The following LZTS3 variants were observed in gnomAD, a reference collection of about 807,000 sequenced individuals.
LZTS3 encodes leucine zipper putative tumor suppressor 3.
A neutral mutation model predicts 50.9 loss-of-function variants in LZTS3; 16 were observed. The observed-to-expected ratio is 0.31, with a 90% CI of 0.21 to 0.48. LZTS3 has a LOEUF of 0.48. LZTS3 is among the 20% of genes least tolerant of loss of function. The pLI is 0.99. For missense variants in LZTS3, 816 were observed against 931.0 expected (o/e 0.88, Z 1.61); for synonymous variants, 408 against 410.6 (o/e 0.99, Z 0.08).
chr20:3,171,854 C>T (rs1490009413), intron 1 of LZTS3, among the ~76,000 whole-genome samples: 1 of 152,136 alleles, frequency 6.6e-6, no homozygotes, highest in Non-Finnish European at 1.5e-5. Flanking sequence ...TGCCTGACTG[C>T]CTCGATCTCT....
rs747750127 is a variant in LZTS3 at position 3,167,128 on chromosome 20, G to A, written c.36C>T (p.Asp12=). Reference sequence around the variant, plus strand: ...AGGCCAGGAGAGGATCCCGCCCTGGGTCAGCGCGCACAGGCAGCGTCTCCA... The same window carrying A: ...AGGCCAGGAGAGGATCCCGCCCTGGATCAGCGCGCACAGGCAGCGTCTCCA... ...AKLETLPVRA[D]PGRDPLLAFA... The change falls in exon 3 of 5, where the codon GAC becomes GAT. Residue 12 remains aspartate (D), a synonymous_variant. Coordinates refer to ENST00000337576, the MANE Select transcript of LZTS3 (RefSeq NM_001365618.1). The A allele has an allele frequency of 6.0e-6, 9 of 1,502,562 alleles. No individual in the cohort carries two copies. The highest frequency in any genetic ancestry group is 8.0e-6 in the Non-Finnish European group (9 of 1,130,202). 93.1% of individuals were successfully genotyped at this position (1,502,562 alleles called of 1,614,324 possible). A position where few individuals can be genotyped will look rare whatever the true frequency, so the allele number is the denominator to read the frequency against.
At chr20:3,166,415 C>T in intron 3 of LZTS3, 55 bp from the exon 4 acceptor site, 2 of 1,526,426 alleles carry the variant, frequency 1.3e-6, no homozygotes, top group Non-Finnish European at 1.8e-6. Context: ...GGGCTTGGCC[C>T]AGGCTCTTCC....
intron 1 of LZTS3, among the ~76,000 whole-genome samples, chr20:3,170,796 C>G (rs1321865667): frequency 6.6e-6 from 1 of 152,010 alleles, no homozygotes. Flanking sequence ...CCCTCTCAAA[C>G]AAATAAACAA....
rs1424390243 is a variant in LZTS3, at chr20:3,164,533, G to A, written c.1943C>T (p.Thr648Met). 5 of 1,602,300 alleles carry A rather than the reference G, an allele frequency of 3.1e-6. No individual in the cohort carries two copies. The highest frequency in any genetic ancestry group is 2.6e-6 in the Non-Finnish European group (3 of 1,174,550). ...CTCCTCGCCATGCTGGGGAGTGGGC[G>A]TGCTTGCACCCCCTGCGGCCCCGCG... ...RERGAAGGASTPTPQHGEEKK... is the reference protein window; with the variant it reads ...RERGAAGGASMPTPQHGEEKK... The change falls in exon 5 of 5, where the codon ACG becomes ATG. Residue 648 changes from threonine (T) to methionine (M), a missense_variant. Physicochemically the swap from Thr to Met is moderately conservative, Grantham distance 81. Coordinates refer to ENST00000337576, the MANE Select transcript of LZTS3 (RefSeq NM_001365618.1).
At chr20:3,167,321 G>A (rs1452819167) in intron 2 of LZTS3, 140 bp from the exon 3 acceptor site, 2 of 1,382,670 alleles carry the variant, frequency 1.4e-6, no homozygotes, top group East Asian at 2.6e-5. Context: ...AGGCATCCAA[G>A]GTGAAGGAAT....
Position 3,167,071 on chromosome 20 carries a change from C to G in LZTS3, c.93G>C (p.Pro31=). ...FAPRPSELGP[P]DPRLAMGSVG... Reference sequence around the variant, plus strand: ...CGCTGCCCATGGCCAGGCGGGGGTCCGGGGGTCCAAGCTCGGAGGGCCGTG... The same window carrying G: ...CGCTGCCCATGGCCAGGCGGGGGTCGGGGGGTCCAAGCTCGGAGGGCCGTG... The change falls in exon 3 of 5, where the codon CCG becomes CCC. Residue 31 remains proline (P), a synonymous_variant. Coordinates refer to ENST00000337576, the MANE Select transcript of LZTS3 (RefSeq NM_001365618.1). 1 of 1,553,444 alleles carries G rather than the reference C, an allele frequency of 6.4e-7. No homozygotes were observed. The highest frequency in any genetic ancestry group is 8.7e-7 in the Non-Finnish European group (1 of 1,152,470).
rs2066817196 is a variant in LZTS3 at position 3,166,200 on chromosome 20, G to A, written c.620C>T (p.Thr207Ile). Residue 207 changes from threonine to isoleucine, a missense_variant, in exon 4 of 5, where the codon ACT becomes ATT. Thr to Ile is a moderately conservative substitution (Grantham distance 89). Transcript: ENST00000337576. The part of the protein sequence containing the change: ...KGGLDKSRTM[T>I]PAGGSGSGLS... ...GCCACTCCCACTCCCACCCGCTGGA[G>A]TCATGGTCCGAGACTTGTCCAGTCC... 8 of 1,613,810 alleles carry A rather than the reference G, an allele frequency of 5.0e-6. No individual in the cohort carries two copies. The highest frequency in any genetic ancestry group is 6.8e-6 in the Non-Finnish European group (8 of 1,179,896).
Position 3,165,220 on chromosome 20 carries a change from C to CAGAT in LZTS3, c.1324-72_1324-69dup. The CAGAT allele has an allele frequency of 7.1e-7, 1 of 1,405,182 alleles. No homozygotes were observed. The highest frequency in any genetic ancestry group is 1.5e-5 in the South Asian group (1 of 68,260). The allele number at this position is 1,405,182 out of a possible 1,614,324, so 87.0% of individuals were successfully genotyped here. A position where few individuals can be genotyped will look rare whatever the true frequency, so the allele number is the denominator to read the frequency against. Reference sequence around the variant, plus strand: ...GCTCTGCTCACCCCAACCCAGCTACCAGATCTGGAGCCAGGGGCACCAAGC... The same window carrying CAGAT: ...GCTCTGCTCACCCCAACCCAGCTACCAGATAGATCTGGAGCCAGGGGCACCAAGC... On this transcript the variant is annotated intron_variant, in intron 4 of 4. Coordinates refer to ENST00000337576, the MANE Select transcript of LZTS3 (RefSeq NM_001365618.1). This position sits in a 1 kb window ranked among gnomAD's most constrained non-coding sequence, Gnocchi z 5.0.
In LZTS3 at chr20:3,165,285, G is replaced by A; in HGVS notation, c.1324-133C>T. 8.6e-7 allele frequency: 1 copy of A among 1,163,028 alleles called. No homozygotes were observed. Among genetic ancestry groups the A allele is most frequent in the Non-Finnish European group, 1.2e-6 (1 of 853,372 alleles). 72.0% of individuals were successfully genotyped at this position (1,163,028 alleles called of 1,614,324 possible). ...GGCTCAGCCCCTCATCAGCAGCGAC[G>A]CACCCGATTCCCTGCCTGGACTCAA... On this transcript the variant is annotated intron_variant, in intron 4 of 4. Coordinates refer to ENST00000337576, the MANE Select transcript of LZTS3 (RefSeq NM_001365618.1). The surrounding 1 kb of genome is among the most constrained non-coding windows in gnomAD (Gnocchi z 5.0).
chr20:3,172,629 G>T (rs559454354), intron 1 of LZTS3, among the ~76,000 whole-genome samples: 1 of 152,310 alleles, frequency 6.6e-6, no homozygotes, highest in Admixed American at 6.5e-5. Flanking sequence ...TCACTCTGAG[G>T]CCTCCCCAGG....
At position 3,166,378 on chromosome 20, in the gene LZTS3, G is replaced by A. The variant is rs7260750; in HGVS notation, c.460-18C>T. On this transcript the variant is annotated intron_variant, in intron 3 of 4. Transcript: ENST00000337576. ...TCTGAGCACTGCAGGAAACGCAGGA[G>A]GGGGCTGGGGGTCAGGATGAGGCCT... 1,065,369 of 1,580,990 alleles carry A rather than the reference G, an allele frequency of 0.67. 364,496 individuals are homozygous for A. The highest frequency in any genetic ancestry group is 0.95 in the East Asian group (42,484 of 44,674).
Position 3,164,888 on chromosome 20 carries a change from G to C in LZTS3, c.1588C>G (p.Gln530Glu), listed in dbSNP as rs752159660. 1.3e-6 allele frequency: 2 copies of C among 1,553,336 alleles called. No individual in the cohort carries two copies. The highest frequency in any genetic ancestry group is 1.7e-4 in the Middle Eastern group (1 of 5,990). ...CTCTCGCAGGTGGCCAGAGCATCCTGTGGCTCGGCCGGGTCCACGGGGGTC... is the reference window on the plus strand; with the variant it reads ...CTCTCGCAGGTGGCCAGAGCATCCTCTGGCTCGGCCGGGTCCACGGGGGTC... ...ALTPVDPAEP[Q>E]DALATCESDE... Residue 530 changes from glutamine to glutamate, a missense_variant, in exon 5 of 5, where the codon CAG (glutamine) becomes GAG (glutamate). Physicochemically the swap from Gln to Glu is conservative, Grantham distance 29. Coordinates refer to ENST00000337576, the MANE Select transcript of LZTS3 (RefSeq NM_001365618.1).
intron 1 of LZTS3, among the ~76,000 whole-genome samples, chr20:3,171,831 G>A (rs2066906599): frequency 6.6e-6 from 1 of 152,190 alleles, no homozygotes. Flanking sequence ...ACCACCCTGA[G>A]ATGACAGCCT....
chr20:3,169,457 A>T (rs1364207479), intron 1 of LZTS3, among the ~76,000 whole-genome samples: 1 of 152,224 alleles, frequency 6.6e-6, no homozygotes, highest in Non-Finnish European at 1.5e-5. Context: ...AGATGAGGTC[A>T]GGTGGTGGGG....
chr20:3,167,086 G>A lies in LZTS3; in HGVS notation c.78C>T (p.Ser26=), dbSNP rs3746701. Residue 26 remains serine (S), a synonymous_variant, in exon 3 of 5, where the codon TCC becomes TCT. Transcript: ENST00000337576. ...GGCGGGGGTCCGGGGGTCCAAGCTC[G>A]GAGGGCCGTGGGGCAAAGGCCAGGA... ...DPLLAFAPRP[S]ELGPPDPRLA... 1.1e-4 allele frequency: 168 copies of A among 1,540,994 alleles called. No individual in the cohort carries two copies. The East Asian group carries it at 2.5e-3, about 23-fold the overall frequency.
chr20:3,165,267 C>T lies in LZTS3; in HGVS notation c.1324-115G>A, dbSNP rs1230809268. 7 of 1,218,394 alleles carry T rather than the reference C, an allele frequency of 5.7e-6. No homozygotes were observed. Among genetic ancestry groups the T allele is most frequent in the Non-Finnish European group, 7.8e-6 (7 of 903,014 alleles). The allele number at this position is 1,218,394 out of a possible 1,614,324, so 75.5% of individuals were successfully genotyped here. On this transcript the variant is annotated intron_variant, in intron 4 of 4. Coordinates refer to ENST00000337576, the MANE Select transcript of LZTS3 (RefSeq NM_001365618.1). This position sits in a 1 kb window ranked among gnomAD's most constrained non-coding sequence, Gnocchi z 5.0. ...AAGCTTCCCGGGGCTGCAGGCTCAG[C>T]CCCTCATCAGCAGCGACGCACCCGA...
At position 3,165,128 on chromosome 20, in the gene LZTS3, A is replaced by C; in HGVS notation, c.1348T>G (p.Ser450Ala). 6.3e-7 allele frequency: 1 copy of C among 1,580,574 alleles called. No individual in the cohort carries two copies. The highest frequency in any genetic ancestry group is 8.6e-7 in the Non-Finnish European group (1 of 1,164,168). Reference protein sequence around the residue: ...WEVCQKAGEISLLKQQLKDSQ... With the variant: ...WEVCQKAGEIALLKQQLKDSQ... ...TCCTTCAGCTGCTGCTTCAGGAGGG[A>C]GATCTCGCCAGCCTTCTGGCACACC... Residue 450 changes from serine (S) to alanine (A), a missense_variant, in exon 5 of 5, where the codon TCC (serine) becomes GCC (alanine). Physicochemically the swap from Ser to Ala is moderately conservative, Grantham distance 99. Transcript: ENST00000337576. This position sits in a 1 kb window ranked among gnomAD's most constrained non-coding sequence, Gnocchi z 5.0.
chr20:3,166,011 T>TA lies in LZTS3; in HGVS notation c.808dup (p.Tyr270LeufsTer9). On this transcript the variant is annotated frameshift_variant, in exon 4 of 5. Coordinates refer to ENST00000337576, the MANE Select transcript of LZTS3 (RefSeq NM_001365618.1). LOFTEE classifies it high-confidence loss of function. ...ACTATCGGAGGTCCCCAGGTCCTGG[T>TA]AGCCCGACCCCCCACCGCTGCTGCC... 6.2e-7 allele frequency: 1 copy of TA among 1,613,192 alleles called. No homozygotes were observed. Among genetic ancestry groups the TA allele is most frequent in the Non-Finnish European group, 8.5e-7 (1 of 1,179,832 alleles).
At chr20:3,168,804 C>T (rs1203444889) in intron 1 of LZTS3, among the ~76,000 whole-genome samples, 6 of 152,238 alleles carry the variant, frequency 3.9e-5, no homozygotes, top group Non-Finnish European at 5.9e-5. Context: ...CCCTCCTTCC[C>T]TATCAAGTTA....
Sources: gnomAD v4.1 joint callset for allele counts (sites outside exome capture counted in the v4.1 genomes callset) on GRCh38, gnomAD v4.1.1 for gene constraint, Gnocchi (gnomAD v3.1) non-coding constraint, MANE v1.5 for transcripts, NCBI Gene and HGNC (gene_info 2026-07-23, HGNC 2026-07-21) for gene names.